The following WNK1 variants were observed in gnomAD, a reference collection of about 807,000 sequenced individuals.
WNK1 encodes the protein serine/threonine-protein kinase WNK1.
Under a neutral mutation model 222.8 loss-of-function variants are expected in WNK1, and 38 were observed. The ratio of observed to expected loss-of-function variants is 0.17; its 90% CI spans 0.13 to 0.22. The LOEUF (loss-of-function observed/expected upper bound fraction) is 0.22. Ranked by LOEUF, WNK1 falls within the 10% of genes least tolerant of loss-of-function variation. WNK1 has a pLI of 1.00. For missense variants in WNK1, 2,348 were observed against 2,918.4 expected, an observed-to-expected ratio of 0.80 and a Z score of 4.50; for synonymous variants, 1,090 against 1,092.9, an observed-to-expected ratio of 1.00 and a Z score of 0.05.
At chr12:794,805 G>A (rs557966076) in intron 1 of WNK1, among the ~76,000 whole-genome samples, 2 of 152,288 alleles carry the variant, frequency 1.3e-5, no homozygotes, top group East Asian at 1.9e-4. Flanking sequence ...TGGCTGGAGT[G>A]CAGAGGCACA....
chr12:857,140 A>G lies in WNK1; in HGVS notation c.1312-21A>G, dbSNP rs1217379857. On this transcript the variant is annotated intron_variant, in intron 4 of 27. Coordinates refer to ENST00000315939, the MANE Select transcript of WNK1 (RefSeq NM_018979.4). Reference sequence around the variant, plus strand: ...TCAAAGGCCCTGCTTTTATTAATGTATTTCTGTTTATGGTTTTCAGGGGGT... The same window carrying G: ...TCAAAGGCCCTGCTTTTATTAATGTGTTTCTGTTTATGGTTTTCAGGGGGT... 2.5e-6 allele frequency: 4 copies of G among 1,611,320 alleles called. No homozygotes were observed. In the South Asian group the frequency reaches 3.3e-5, roughly 13 times the overall value.
At chr12:788,836 G>A (rs776673713) in intron 1 of WNK1, among the ~76,000 whole-genome samples, 11 of 151,696 alleles carry the variant, frequency 7.3e-5, no homozygotes, top group East Asian at 1.9e-4. Flanking sequence ...GCAGTGAGCC[G>A]AGATCGTGCC....
chr12:820,268 T>G (rs1947735107), intron 2 of WNK1, among the ~76,000 whole-genome samples: 1 of 152,186 alleles, frequency 6.6e-6, no homozygotes, highest in South Asian at 2.1e-4. Flanking sequence ...ATTATACAAG[T>G]CTTTCACATC....
chr12:777,535 T>C (rs1943253001), intron 1 of WNK1, among the ~76,000 whole-genome samples: 1 of 152,228 alleles, frequency 6.6e-6, no homozygotes, highest in Non-Finnish European at 1.5e-5. Flanking sequence ...TAGGCACTTG[T>C]GTTACTTTGG....
At chr12:859,865 G>C (rs572061748) in intron 6 of WNK1, among the ~76,000 whole-genome samples, 1 of 151,776 alleles carries the variant, frequency 6.6e-6, no homozygotes, top group Admixed American at 6.6e-5. Context: ...ATAGGGACGT[G>C]CCACCACACC....
At position 811,758 on chromosome 12, in the gene WNK1, A is replaced by T. The variant is rs544220422; in HGVS notation, c.760-1884A>T. Among the ~76,000 whole-genome samples the T allele has an allele frequency of 3.9e-4, 60 of 152,276 alleles. 1 individual carries two copies. In the South Asian group the frequency reaches 0.012, roughly 31 times the overall value. ...GATGGAACAAGTAGACAAACTATTG[A>T]AAGAAGCCCCAAATTATTTGTTTAG... On this transcript the variant is annotated intron_variant, in intron 1 of 27. Transcript: ENST00000315939.
rs552505348 is a variant in WNK1 at position 884,129 on chromosome 12, A to G, written c.3730A>G (p.Thr1244Ala). 16 of 1,614,208 alleles carry G rather than the reference A, an allele frequency of 9.9e-6. No homozygotes were observed. The highest frequency in any genetic ancestry group is 1.3e-5 in the African/African-American group (1 of 75,074). The change falls in exon 18 of 28, where the codon ACC (threonine) becomes GCC (alanine). Residue 1244 changes from threonine to alanine, a missense_variant. This residue lies in a region of WNK1 where 1,144 missense variants were observed against 1,273.6 expected (regional missense o/e 0.90). Transcript: ENST00000315939. This position sits in a 1 kb window ranked among gnomAD's most constrained non-coding sequence, Gnocchi z 5.6. ...SSMPQQIGIP[T>A]SSLTQVVHSA... Reference sequence around the variant, plus strand: ...TGTTTGTTTTTGACCAGGCATTCCTACCAGTTCTTTAACTCAAGTTGTTCA... The same window carrying G: ...TGTTTGTTTTTGACCAGGCATTCCTGCCAGTTCTTTAACTCAAGTTGTTCA...
In WNK1 at chr12:899,336, C is replaced by T. The variant is rs1159249652; in HGVS notation, c.6449-1140C>T. ...TGTTTTTGTTTTTTTGAGGCAGAGTCGGCAGTGGCTCAACCTCCAACTCCC... is the reference window on the plus strand; with the variant it reads ...TGTTTTTGTTTTTTTGAGGCAGAGTTGGCAGTGGCTCAACCTCCAACTCCC... On this transcript the variant is annotated intron_variant, in intron 25 of 27. Transcript: ENST00000315939. Among the ~76,000 whole-genome samples the T allele has an allele frequency of 2.3e-5, 3 of 131,732 alleles. No homozygotes were observed. The South Asian group carries it at 7.5e-4, about 33-fold the overall frequency. The allele number at this position is 131,732 out of a possible 152,430, so 86.4% of individuals were successfully genotyped here.
chr12:904,106 G>C (rs554017895), intron 26 of WNK1, among the ~76,000 whole-genome samples: 2 of 152,172 alleles, frequency 1.3e-5, no homozygotes, highest in African/African-American at 2.4e-5. Flanking sequence ...CAGTGGAAAC[G>C]CTGCTTGGGT....
intron 1 of WNK1, among the ~76,000 whole-genome samples, chr12:780,369 T>C (rs1943572928): frequency 6.6e-6 from 1 of 152,238 alleles, no homozygotes; most frequent in African/African-American, 2.4e-5. Flanking sequence ...TTTGTGGTAC[T>C]TTTCTTCTAA....
intron 1 of WNK1, among the ~76,000 whole-genome samples, chr12:802,369 G>T (rs1029702772): frequency 7.2e-5 from 11 of 152,142 alleles, no homozygotes; most frequent in Non-Finnish European, 1.6e-4. Context: ...AAAAAAGCTT[G>T]CTAGAAACTG....
intron 4 of WNK1, among the ~76,000 whole-genome samples, chr12:855,804 T>C (rs893790614): frequency 2.0e-5 from 3 of 152,098 alleles, no homozygotes; most frequent in Non-Finnish European, 2.9e-5. Context: ...TTACATCTTA[T>C]GTATATTTTC....
chr12:901,999 T>C (rs1468087343), intron 26 of WNK1, among the ~76,000 whole-genome samples: 1 of 151,876 alleles, frequency 6.6e-6, no homozygotes, highest in Non-Finnish European at 1.5e-5. Flanking sequence ...GCCCTAGCAT[T>C]AGAAATGAGA....
chr12:906,456 G>T, intron 26 of WNK1: 1 of 985,272 alleles, frequency 1.0e-6, no homozygotes, highest in Non-Finnish European at 1.2e-6. Flanking sequence ...TTTTCTTGTC[G>T]CTTCTACATG....
At chr12:805,778 T>C (rs1946319130) in intron 1 of WNK1, among the ~76,000 whole-genome samples, 2 of 152,202 alleles carry the variant, frequency 1.3e-5, no homozygotes. Flanking sequence ...TCATTTAGGT[T>C]ATCATTTGGT....
At chr12:824,340 C>T (rs1334027466) in intron 2 of WNK1, among the ~76,000 whole-genome samples, 2 of 148,952 alleles carry the variant, frequency 1.3e-5, no homozygotes, top group African/African-American at 5.0e-5. Context: ...ACTTTTCATT[C>T]TCACCAAACT....
At chr12:895,178 C>T (rs994350877) in intron 23 of WNK1, among the ~76,000 whole-genome samples, 3 of 152,184 alleles carry the variant, frequency 2.0e-5, no homozygotes, top group African/African-American at 7.2e-5. Context: ...AACATGTGAG[C>T]ATTTTCTGGC....
In WNK1 at chr12:842,788, G is replaced by C. The variant is rs376285199; in HGVS notation, c.1311+12628G>C. Among the ~76,000 whole-genome samples, 66 of 152,260 alleles carry C rather than the reference G, an allele frequency of 4.3e-4. No individual in the cohort carries two copies. The South Asian group carries it at 0.013, about 31-fold the overall frequency. On this transcript the variant is annotated intron_variant, in intron 4 of 27. Transcript: ENST00000315939. ...GATCTTCAGGAGGTTACATAAGAAG[G>C]AAGAGAAACTGTAATTGAACATAAG...
chr12:810,318 A>T (rs145374798), intron 1 of WNK1, among the ~76,000 whole-genome samples: 1 of 152,178 alleles, frequency 6.6e-6, no homozygotes, highest in East Asian at 1.9e-4. Context: ...ATAAGGAGGG[A>T]GTATTCCAAT....
Sources: allele counts gnomAD v4.1 joint callset (sites outside exome capture counted in the v4.1 genomes callset), GRCh38; gene constraint gnomAD v4.1.1; regional missense constraint gnomAD v4.1.1; non-coding constraint Gnocchi (gnomAD v3.1); transcripts MANE v1.5; gene names NCBI Gene and HGNC (gene_info 2026-07-23, HGNC 2026-07-21).